KCNIP4: variants seen among roughly 807,000 people sequenced by gnomAD.
KCNIP4 encodes potassium voltage-gated channel interacting protein 4.
KCNIP4 carries 12 observed loss-of-function variants against 34.0 expected under a neutral mutation model. The observed-to-expected ratio is 0.35, with a 90% CI of 0.23 to 0.57. The LOEUF is 0.57. Ranked by LOEUF, KCNIP4 falls within the 20% of genes least tolerant of loss-of-function variation. The pLI is 0.83. For synonymous variants in KCNIP4, 124 were observed against 102.2 expected (o/e 1.21, Z -1.29); for missense variants, 238 against 311.7 (o/e 0.76, Z 1.78).
At chr4:20,981,476 C>T (rs189535663) in intron 1 of KCNIP4, among the ~76,000 whole-genome samples, 7 of 152,282 alleles carry the variant, frequency 4.6e-5, no homozygotes, top group African/African-American at 1.7e-4. Flanking sequence ...CATTTATTCC[C>T]TTTCTCAACA....
At chr4:21,870,509 G>A (rs1035718393) in intron 1 of KCNIP4, among the ~76,000 whole-genome samples, 4 of 152,308 alleles carry the variant, frequency 2.6e-5, no homozygotes, top group African/African-American at 9.6e-5. Context: ...AGAACATGTA[G>A]ATGCTAAGCA....
intron 1 of KCNIP4, among the ~76,000 whole-genome samples, chr4:21,465,909 C>G (rs1729886782): frequency 6.6e-6 from 1 of 152,170 alleles, no homozygotes; most frequent in Non-Finnish European, 1.5e-5. Flanking sequence ...GCTCCAGCAC[C>G]TGCAAACAAC....
chr4:20,883,008 GTTTTT>G (rs5856586), intron 1 of KCNIP4, among the ~76,000 whole-genome samples: 11 of 112,422 alleles, frequency 9.8e-5, no homozygotes, highest in Non-Finnish European at 1.3e-4. Context: ...AAATCTGGTG[GTTTTT>G]TTTTTTTTTT....
At chr4:21,195,814 G>A (rs565939797) in intron 1 of KCNIP4, among the ~76,000 whole-genome samples, 1 of 151,704 alleles carries the variant, frequency 6.6e-6, no homozygotes, top group Non-Finnish European at 1.5e-5. Context: ...ACTTCTTTCC[G>A]CCCAAGTAGA....
chr4:21,105,337 T>C (rs1748416484), intron 1 of KCNIP4, among the ~76,000 whole-genome samples: 2 of 151,620 alleles, frequency 1.3e-5, no homozygotes, highest in South Asian at 2.1e-4. Flanking sequence ...GATTCCTAGG[T>C]ATTTTATTCT....
chr4:21,894,012 A>G (rs1219782476), intron 1 of KCNIP4, among the ~76,000 whole-genome samples: 1 of 152,092 alleles, frequency 6.6e-6, no homozygotes, highest in Non-Finnish European at 1.5e-5. Context: ...TCTGTCACCT[A>G]GATCACATAC....
intron 1 of KCNIP4, among the ~76,000 whole-genome samples, chr4:21,859,171 C>G (rs1724921281): frequency 6.6e-6 from 1 of 152,152 alleles, no homozygotes; most frequent in Non-Finnish European, 1.5e-5. Context: ...CAACTTGCCA[C>G]AAGTTGCTGA....
intron 1 of KCNIP4, among the ~76,000 whole-genome samples, chr4:21,096,645 TG>T (rs1747481472): frequency 6.6e-6 from 1 of 152,172 alleles, no homozygotes; most frequent in Non-Finnish European, 1.5e-5. Flanking sequence ...CTCTTTTAAA[TG>T]TAGAAAATAA....
At chr4:21,331,227 C>A (rs1022831443) in intron 1 of KCNIP4, among the ~76,000 whole-genome samples, 1 of 152,084 alleles carries the variant, frequency 6.6e-6, no homozygotes, top group African/African-American at 2.4e-5. Flanking sequence ...TTCTATTGAG[C>A]AGCTTATACT....
At chr4:21,827,548 G>A (rs1722745894) in intron 1 of KCNIP4, among the ~76,000 whole-genome samples, 1 of 152,006 alleles carries the variant, frequency 6.6e-6, no homozygotes, top group Non-Finnish European at 1.5e-5. Flanking sequence ...AAGCATCAAA[G>A]TTTGGTTACA....
intron 1 of KCNIP4, among the ~76,000 whole-genome samples, chr4:21,857,641 G>T (rs116718046): frequency 2.0e-5 from 3 of 152,160 alleles, no homozygotes; most frequent in Non-Finnish European, 4.4e-5. Context: ...ACCCACTGTG[G>T]GTCTCCTCTG....
intron 1 of KCNIP4, among the ~76,000 whole-genome samples, chr4:21,649,495 AAAGGGAT>A (rs1476000042): frequency 1.3e-5 from 2 of 152,210 alleles, no homozygotes; most frequent in African/African-American, 4.8e-5. Context: ...CTTGGGTGGT[AAAGGGAT>A]AATAGGAAGA....
rs773008223 is a variant in KCNIP4, at chr4:20,882,611, G to C, written c.160C>G (p.Gln54Glu). ...AAAAACAAAAAAACAAACTTGCTTT[G>C]AATAGCAGGAGACGACGTTTTGGCA... ...SAAKTSSPAI[Q>E]NSVEDELEMA... Residue 54 changes from glutamine to glutamate, a missense_variant, in exon 2 of 9, where the codon CAA becomes GAA. Coordinates refer to ENST00000382152, the MANE Select transcript of KCNIP4 (RefSeq NM_025221.6). 1.2e-6 allele frequency: 2 copies of C among 1,608,436 alleles called. No individual in the cohort carries two copies. Among genetic ancestry groups the C allele is most frequent in the Non-Finnish European group, 1.7e-6 (2 of 1,175,674 alleles).
intron 1 of KCNIP4, among the ~76,000 whole-genome samples, chr4:21,558,135 T>G (rs899549313): frequency 6.6e-6 from 1 of 152,202 alleles, no homozygotes; most frequent in African/African-American, 2.4e-5. Context: ...ATCCAAGGGC[T>G]GTGCTACAAA....
chr4:21,938,854 C>G (rs567508271), intron 1 of KCNIP4, among the ~76,000 whole-genome samples: 1 of 152,162 alleles, frequency 6.6e-6, no homozygotes, highest in East Asian at 1.9e-4. Context: ...ATTCCTATAC[C>G]TTAAACAATT....
At chr4:21,416,954 C>T (rs1725000368) in intron 1 of KCNIP4, among the ~76,000 whole-genome samples, 1 of 152,134 alleles carries the variant, frequency 6.6e-6, no homozygotes, top group Non-Finnish European at 1.5e-5. Context: ...GAGAAAAATG[C>T]TTTTCTCATG....
intron 1 of KCNIP4, among the ~76,000 whole-genome samples, chr4:21,685,807 C>T (rs1212666568): frequency 6.6e-6 from 1 of 152,188 alleles, no homozygotes; most frequent in Non-Finnish European, 1.5e-5. Flanking sequence ...ACTTTGAGTG[C>T]AAACAAGTTT....
chr4:21,199,877 T>G (rs1011301285), intron 1 of KCNIP4, among the ~76,000 whole-genome samples: 6 of 151,536 alleles, frequency 4.0e-5, no homozygotes, highest in Non-Finnish European at 7.4e-5. Flanking sequence ...AAGGAGGAGT[T>G]CATGTCCTTT....
chr4:21,475,198 A>AAT (rs1730848025), intron 1 of KCNIP4, among the ~76,000 whole-genome samples: 1 of 152,092 alleles, frequency 6.6e-6, no homozygotes, highest in African/African-American at 2.4e-5. Context: ...CACACAGGAG[A>AAT]ATATATATAT....
Sources: gnomAD v4.1 joint callset for allele counts (sites outside exome capture counted in the v4.1 genomes callset) on GRCh38, gnomAD v4.1.1 for gene constraint, MANE v1.5 for transcripts, NCBI Gene and HGNC (gene_info 2026-07-23, HGNC 2026-07-21) for gene names.